Variants in EIF3E observed in about 807,000 individuals in gnomAD.
EIF3E encodes the protein eukaryotic translation initiation factor 3 subunit E.
In EIF3E, 25 loss-of-function variants were observed where a neutral mutation model predicts 59.3. The observed-to-expected ratio is 0.42, with a 90% CI of 0.31 to 0.59. The LOEUF (loss-of-function observed/expected upper bound fraction) is 0.59. EIF3E is among the 20% of genes least tolerant of loss of function. The pLI is 0.15. For synonymous variants in EIF3E, 176 were observed against 170.2 expected (o/e 1.03, Z -0.26); for missense variants, 317 against 534.3 (o/e 0.59, Z 4.01).
At chr8:108,220,154 A>AAC (rs1554599395) in intron 7 of EIF3E, among the ~76,000 whole-genome samples, 6 of 151,862 alleles carry the variant, frequency 4.0e-5, no homozygotes, top group South Asian at 2.1e-4. Context: ...CCAAAAAAAA[A>AAC]AAAAAGGAAA....
chr8:108,228,967 A>T (rs932718181), intron 6 of EIF3E, 103 bp downstream of exon 6: 7 of 1,060,368 alleles, frequency 6.6e-6, no homozygotes, highest in South Asian at 2.5e-5. Context: ...GCTAATATGA[A>T]TTTTTTTTTT....
At chr8:108,242,327 A>T in intron 1 of EIF3E, 1 of 1,289,684 alleles carries the variant, frequency 7.8e-7, no homozygotes, top group Non-Finnish European at 1.0e-6. Context: ...ATGCTTCTCC[A>T]TCCACATTGC....
intron 11 of EIF3E, 22 bp downstream of exon 11, chr8:108,203,379 G>C: frequency 6.4e-7 from 1 of 1,564,168 alleles, no homozygotes; most frequent in Non-Finnish European, 8.8e-7. Context: ...ATAGTATGTA[G>C]CATAGCTAAC....
At chr8:108,242,095 A>G in intron 1 of EIF3E, 182 bp from the exon 2 acceptor site, 1 of 1,462,614 alleles carries the variant, frequency 6.8e-7, no homozygotes. Context: ...CTATAGACGT[A>G]AAAGTATTTT....
At chr8:108,206,063 T>C (rs531313574) in intron 10 of EIF3E, among the ~76,000 whole-genome samples, 33 of 152,216 alleles carry the variant, frequency 2.2e-4, no homozygotes, top group African/African-American at 7.9e-4. Flanking sequence ...CTTTTAACTT[T>C]CCAAGTTCCC....
At chr8:108,204,746 T>TATATATATATATATAG (rs1354950271) in intron 10 of EIF3E, among the ~76,000 whole-genome samples, 14 of 113,664 alleles carry the variant, frequency 1.2e-4, no homozygotes, top group Non-Finnish European at 2.1e-4. Flanking sequence ...TATATATATA[T>TATATATATATATATAG]AGAGAGAGAG....
At chr8:108,229,009 T>C (rs1320132814) in intron 6 of EIF3E, 61 bp downstream of exon 6, 16 of 1,435,076 alleles carry the variant, frequency 1.1e-5, no homozygotes, top group Non-Finnish European at 1.5e-5. Context: ...ATTTTCCTCA[T>C]CAGAAAGTGT....
intron 2 of EIF3E, among the ~76,000 whole-genome samples, 158 bp downstream of exon 2, chr8:108,241,641 G>A (rs953308118): frequency 3.1e-4 from 47 of 152,180 alleles, no homozygotes; most frequent in Non-Finnish European, 5.6e-4. Context: ...AATATATTTC[G>A]GAAGATATGA....
intron 5 of EIF3E, chr8:108,233,677 G>GAA (rs746472216): frequency 1.4e-4 from 52 of 358,628 alleles, no homozygotes; most frequent in South Asian, 1.8e-4. Context: ...CTCCATCTTG[G>GAA]AAAAAAAAAA....
intron 4 of EIF3E, 152 bp downstream of exon 4, chr8:108,236,009 C>T: frequency 1.8e-6 from 1 of 557,538 alleles, no homozygotes. Flanking sequence ...TTTATAAACA[C>T]TGAAGTTTTA....
chr8:108,229,330 T>A, intron 5 of EIF3E, 135 bp from the exon 6 acceptor site: 1 of 834,500 alleles, frequency 1.2e-6, no homozygotes, highest in Non-Finnish European at 1.7e-6. Flanking sequence ...ATTATCTAAG[T>A]CCTTATTGGA....
chr8:108,235,100 A>G lies in EIF3E; in HGVS notation c.369T>C (p.Phe123=). Residue 123 remains phenylalanine (F), a splice_region_variant and synonymous_variant, in exon 5 of 13, where the codon TTT becomes TTC. Transcript: ENST00000220849. ...LFDYLADKHG[F]RQEYLDTLYR... ...AGAGTGTATCTAAATATTCCTGCCT[A>G]AACTAAAAAGAAAAAAAAAAGATTA... is the stretch of plus-strand genomic sequence containing the variant. The G allele has an allele frequency of 2.6e-6, 4 of 1,534,444 alleles. No individual in the cohort carries two copies. The highest frequency in any genetic ancestry group is 3.5e-6 in the Non-Finnish European group (4 of 1,142,448).
At chr8:108,248,498 C>A (rs945260898) in intron 1 of EIF3E, 115 bp downstream of exon 1, 3 of 997,392 alleles carry the variant, frequency 3.0e-6, no homozygotes, top group Non-Finnish European at 4.6e-6. Context: ...CGTCCAGGAA[C>A]CAAACTCGCG....
chr8:108,222,852 A>AG (rs1426807607), intron 7 of EIF3E, among the ~76,000 whole-genome samples: 1 of 146,956 alleles, frequency 6.8e-6, no homozygotes, highest in Admixed American at 6.7e-5. Flanking sequence ...TTTTTTTTAA[A>AG]TAACAGACTC....
intron 7 of EIF3E, among the ~76,000 whole-genome samples, chr8:108,217,950 G>C (rs1253934684): frequency 6.6e-6 from 1 of 152,202 alleles, no homozygotes; most frequent in East Asian, 1.9e-4. Context: ...ATTGGTTAAA[G>C]TGGTAGCAGT....
chr8:108,227,939 A>T (rs1815544543), intron 7 of EIF3E: 1 of 181,458 alleles, frequency 5.5e-6, no homozygotes. Context: ...TAAAGCTTTG[A>T]TGTTTACATG....
intron 7 of EIF3E, among the ~76,000 whole-genome samples, chr8:108,225,727 A>G (rs188345222): frequency 5.3e-5 from 8 of 151,542 alleles, no homozygotes; most frequent in Non-Finnish European, 1.0e-4. Flanking sequence ...TTTTCCAACT[A>G]CATGTGTGAA....
At chr8:108,216,343 C>A in intron 9 of EIF3E, 69 bp downstream of exon 9, 6 of 1,168,366 alleles carry the variant, frequency 5.1e-6, no homozygotes, top group Non-Finnish European at 3.7e-6. Flanking sequence ...GAAGACACTG[C>A]AAGATTAACG....
chr8:108,224,865 C>A (rs1815490342), intron 7 of EIF3E, among the ~76,000 whole-genome samples: 1 of 151,438 alleles, frequency 6.6e-6, no homozygotes, highest in African/African-American at 2.5e-5. Flanking sequence ...TACTAGCAGT[C>A]CCTATATTTT....
Sources: allele counts gnomAD v4.1 joint callset (sites outside exome capture counted in the v4.1 genomes callset), GRCh38; gene constraint gnomAD v4.1.1; transcripts MANE v1.5; gene names NCBI Gene and HGNC (gene_info 2026-07-23, HGNC 2026-07-21).